GPATCH1: variants seen among roughly 807,000 people sequenced by gnomAD.
GPATCH1 encodes the protein G-patch domain containing 1, also known as G patch domain-containing protein 1.
GPATCH1 carries 73 observed loss-of-function variants against 114.9 expected under a neutral mutation model. That is an observed-to-expected ratio of 0.64 (90% CI 0.53 to 0.77). The LOEUF is 0.77. Among genes scored for constraint, GPATCH1 ranks in the 30% least tolerant of loss-of-function variants. The probability of loss-of-function intolerance (pLI) is 0.00; values close to 1 mark genes in which losing one functional copy is unlikely to be tolerated. For missense variants in GPATCH1, 1,058 were observed against 1,144.3 expected (o/e 0.92, Z 1.09); for synonymous variants, 391 against 428.4 (o/e 0.91, Z 1.08).
At position 33,129,833 on chromosome 19, in the gene GPATCH1, A is replaced by G. The variant is rs141548033; in HGVS notation, c.2766-297A>G. Reference sequence around the variant, plus strand: ...GTGGCATGTGCCTGTAATCCCAGCTACTCTGGAGGCTGAGGCAGGAGACTT... The same window carrying G: ...GTGGCATGTGCCTGTAATCCCAGCTGCTCTGGAGGCTGAGGCAGGAGACTT... On this transcript the variant is annotated intron_variant, in intron 19 of 19. Coordinates refer to ENST00000170564, the MANE Select transcript of GPATCH1 (RefSeq NM_018025.3). Among the ~76,000 whole-genome samples the G allele has an allele frequency of 9.3e-3, 1,412 of 151,856 alleles. 19 individuals are homozygous for G. The highest frequency in any genetic ancestry group is 0.033 in the African/African-American group (1,354 of 41,366).
chr19:33,116,678 C>T (rs986053534), intron 15 of GPATCH1, among the ~76,000 whole-genome samples: 28 of 152,190 alleles, frequency 1.8e-4, no homozygotes, highest in Admixed American at 1.1e-3. Flanking sequence ...TACAGGCGCC[C>T]GCCACCACGC....
intron 1 of GPATCH1, among the ~76,000 whole-genome samples, chr19:33,081,690 G>A (rs1364681587): frequency 1.3e-5 from 2 of 152,188 alleles, no homozygotes; most frequent in African/African-American, 4.8e-5. Flanking sequence ...GCCAGTTTAG[G>A]AAATTGAGGG....
chr19:33,088,252 T>G lies in GPATCH1; in HGVS notation c.192T>G (p.Thr64=). Residue 64 remains threonine, a synonymous_variant, in exon 2 of 20, where the codon ACT becomes ACG. Transcript: ENST00000170564. ...GTTTCTCTGCTGGATACTTCAATAC[T>G]GTTGGCTCAAAAGAAGGTATCATTT... ...SGGFSAGYFN[T]VGSKEGWTPS... is the part of the protein sequence containing the mutation. 3 of 1,600,600 alleles carry G rather than the reference T, an allele frequency of 1.9e-6. No homozygotes were observed. Among genetic ancestry groups the G allele is most frequent in the Non-Finnish European group, 2.6e-6 (3 of 1,174,370 alleles).
At chr19:33,112,685 C>T in intron 13 of GPATCH1, 72 bp downstream of exon 13, 1 of 1,222,010 alleles carries the variant, frequency 8.2e-7, no homozygotes, top group South Asian at 1.4e-5. Context: ...CCCTTACATA[C>T]TCATATAAAT....
chr19:33,116,074 C>G (rs1200648467), intron 15 of GPATCH1, among the ~76,000 whole-genome samples: 1 of 150,592 alleles, frequency 6.6e-6, no homozygotes, highest in East Asian at 1.9e-4. Context: ...TTATAGTATA[C>G]CTACTTACCT....
intron 11 of GPATCH1, among the ~76,000 whole-genome samples, chr19:33,111,114 C>T (rs972566962): frequency 3.3e-5 from 5 of 151,334 alleles, no homozygotes; most frequent in Admixed American, 2.6e-4. Flanking sequence ...CTCACTGCAA[C>T]CTCCACCTCC....
At chr19:33,081,321 T>C (rs1860058812) in intron 1 of GPATCH1, 55 bp downstream of exon 1, 1 of 1,413,944 alleles carries the variant, frequency 7.1e-7, no homozygotes, top group African/African-American at 1.4e-5. Flanking sequence ...GGGCCCAGGA[T>C]TCGGGCCACA....
chr19:33,088,044 T>G, intron 1 of GPATCH1, 90 bp from the exon 2 acceptor site: 6 of 682,440 alleles, frequency 8.8e-6, no homozygotes, highest in Non-Finnish European at 1.2e-5. Context: ...AAACAATTTA[T>G]GATATTTAAA....
chr19:33,094,434 G>A (rs933253011), intron 5 of GPATCH1, among the ~76,000 whole-genome samples, 165 bp downstream of exon 5: 10 of 151,872 alleles, frequency 6.6e-5, no homozygotes, highest in East Asian at 1.9e-4. Context: ...CGTTAGCCCC[G>A]CAAGTAGCTG....
At chr19:33,086,385 A>C (rs1243010837) in intron 1 of GPATCH1, among the ~76,000 whole-genome samples, 1 of 152,210 alleles carries the variant, frequency 6.6e-6, no homozygotes, top group African/African-American at 2.4e-5. Flanking sequence ...CACCCTACAA[A>C]GATGGGCTTC....
In GPATCH1 at chr19:33,120,007, A is replaced by T. The variant is rs577234628; in HGVS notation, c.2521+890A>T. 6.0e-3 allele frequency among the ~76,000 whole-genome samples: 848 copies of T among 140,202 alleles called. 7 individuals are homozygous for T. Among genetic ancestry groups the T allele is most frequent in the African/African-American group, 0.022 (821 of 37,532 alleles). The allele number at this position is 140,202 out of a possible 152,430, so 92.0% of individuals were successfully genotyped here. A position where few individuals can be genotyped will look rare whatever the true frequency, so the allele number is the denominator to read the frequency against. ...TTTATATATTTATATATTATATTTT[A>T]TATATTTTATATATTTATATATTTA... On this transcript the variant is annotated intron_variant, in intron 17 of 19. Coordinates refer to ENST00000170564, the MANE Select transcript of GPATCH1 (RefSeq NM_018025.3).
chr19:33,124,523 C>T (rs923479577), intron 17 of GPATCH1, among the ~76,000 whole-genome samples: 2 of 152,074 alleles, frequency 1.3e-5, no homozygotes, highest in Non-Finnish European at 2.9e-5. Context: ...ACTTGTAAGA[C>T]AAATTCTTAT....
At chr19:33,085,189 G>C (rs1261241529) in intron 1 of GPATCH1, among the ~76,000 whole-genome samples, 2 of 152,124 alleles carry the variant, frequency 1.3e-5, no homozygotes, top group Non-Finnish European at 2.9e-5. Flanking sequence ...TAGAAGGGCT[G>C]CTTGCATGGC....
At chr19:33,097,191 G>A (rs544903605) in intron 7 of GPATCH1, among the ~76,000 whole-genome samples, 19 of 151,976 alleles carry the variant, frequency 1.3e-4, no homozygotes, top group Admixed American at 1.2e-3. Flanking sequence ...TGATCCACCC[G>A]CCTCGGCCTC....
intron 7 of GPATCH1, 121 bp from the exon 8 acceptor site, chr19:33,097,634 C>G (rs1568341295): frequency 2.2e-6 from 2 of 896,652 alleles, no homozygotes; most frequent in East Asian, 2.4e-5. Flanking sequence ...GTTCACTTCT[C>G]TCTTGGTGAT....
Position 33,109,970 on chromosome 19 carries a change from A to G in GPATCH1, c.1539A>G (p.Gln513=). The G allele has an allele frequency of 1.2e-6, 2 of 1,613,986 alleles. No homozygotes were observed. The highest frequency in any genetic ancestry group is 1.7e-6 in the Non-Finnish European group (2 of 1,179,972). The change falls in exon 11 of 20, where the codon CAA becomes CAG. Residue 513 remains glutamine (Q), a synonymous_variant. Transcript: ENST00000170564. ...FKPFAKDPEK[Q]KRYDEFLVHM... is the part of the protein sequence containing the mutation. ...CTTTCGCCAAAGATCCGGAAAAGCA[A>G]AAGCGATACGACGAGTTCTTAGTAC...
intron 5 of GPATCH1, 143 bp from the exon 6 acceptor site, chr19:33,095,619 C>G: frequency 1.5e-6 from 1 of 663,520 alleles, no homozygotes; most frequent in Non-Finnish European, 2.7e-6. Flanking sequence ...CCAGGCTGGT[C>G]TTGAACTCCT....
At chr19:33,112,947 TATC>T (rs757371885) in intron 13 of GPATCH1, 2 of 183,542 alleles carry the variant, frequency 1.1e-5, no homozygotes, top group Non-Finnish European at 2.3e-5. Context: ...GTTTTTAAAT[TATC>T]ATTATAAAAG....
chr19:33,124,998 C>T lies in GPATCH1; in HGVS notation c.2522-107C>T, dbSNP rs1973023947. On this transcript the variant is annotated intron_variant, in intron 17 of 19. Coordinates refer to ENST00000170564, the MANE Select transcript of GPATCH1 (RefSeq NM_018025.3). ...GCAGGAGTTCTTCCTCAGTGTTAAA[C>T]ATTCCATCTACACTAGATGCCTGAT... The T allele has an allele frequency of 1.4e-5, 16 of 1,174,062 alleles. No homozygotes were observed. In the South Asian group the frequency reaches 2.4e-4, roughly 18 times the overall value. 72.7% of individuals were successfully genotyped at this position (1,174,062 alleles called of 1,614,324 possible). A position where few individuals can be genotyped will look rare whatever the true frequency, so the allele number is the denominator to read the frequency against.
Sources: gnomAD v4.1 joint callset for allele counts (sites outside exome capture counted in the v4.1 genomes callset) on GRCh38, gnomAD v4.1.1 for gene constraint, MANE v1.5 for transcripts, NCBI Gene and HGNC (gene_info 2026-07-23, HGNC 2026-07-21) for gene names.